The following CCDC73 variants were observed in gnomAD, a reference collection of about 807,000 sequenced individuals.
CCDC73 encodes the protein coiled-coil domain containing 73.
CCDC73 carries 95 observed loss-of-function variants against 116.5 expected under a neutral mutation model. The ratio of observed to expected loss-of-function variants is 0.82; its 90% CI spans 0.69 to 0.97. The LOEUF (loss-of-function observed/expected upper bound fraction) is 0.97. Ranked by LOEUF, CCDC73 falls within the 50% of genes least tolerant of loss-of-function variation. CCDC73 has a pLI of 0.00. For missense variants in CCDC73, 1,066 were observed against 1,206.8 expected (o/e 0.88, Z 1.73); for synonymous variants, 398 against 401.3 (o/e 0.99, Z 0.10).
At chr11:32,742,268 C>T (rs1475532116) in intron 2 of CCDC73, among the ~76,000 whole-genome samples, 1 of 152,148 alleles carries the variant, frequency 6.6e-6, no homozygotes, top group Non-Finnish European at 1.5e-5. Context: ...AATTTATACT[C>T]CCACCAACGT....
chr11:32,610,112 C>T lies in CCDC73; in HGVS notation c.3030+1020G>A, dbSNP rs184487501. 5.9e-5 allele frequency among the ~76,000 whole-genome samples: 9 copies of T among 152,108 alleles called. No homozygotes were observed. In the East Asian group the frequency reaches 9.6e-4, roughly 16 times the overall value. ...CCGGCAAAAGGCAGTTCTTACATGG[C>T]GGCAGCAAGAGAGAAGAGAGCTTGT... On this transcript the variant is annotated intron_variant, in intron 17 of 17. Coordinates refer to ENST00000335185, the MANE Select transcript of CCDC73 (RefSeq NM_001008391.4).
In CCDC73 at chr11:32,700,817, T is replaced by C. The variant is rs552636160; in HGVS notation, c.289A>G (p.Lys97Glu). 4.8e-6 allele frequency: 7 copies of C among 1,447,576 alleles called. No homozygotes were observed. The South Asian group carries it at 8.1e-5, about 17-fold the overall frequency. 89.7% of individuals were successfully genotyped at this position (1,447,576 alleles called of 1,614,324 possible). A position where few individuals can be genotyped will look rare whatever the true frequency, so the allele number is the denominator to read the frequency against. The change falls in exon 5 of 18, where the codon AAG becomes GAG. Residue 97 changes from lysine to glutamate, a missense_variant. By Grantham distance (56) the Lys-to-Glu change is moderately conservative. Coordinates refer to ENST00000335185, the MANE Select transcript of CCDC73 (RefSeq NM_001008391.4). ...MAVFKKQLQM[K>E]MCALEEEKGK... is the part of the protein sequence containing the mutation. Reference sequence around the variant, plus strand: ...TTTTCTTCTTCCAGGGCACACATCTTCATCTGCAACTGATAAACAATTTTA... The same window carrying C: ...TTTTCTTCTTCCAGGGCACACATCTCCATCTGCAACTGATAAACAATTTTA...
intron 2 of CCDC73, among the ~76,000 whole-genome samples, chr11:32,719,116 G>C (rs1849969448): frequency 6.6e-6 from 1 of 152,158 alleles, no homozygotes; most frequent in African/African-American, 2.4e-5. Context: ...AAAGACAAGT[G>C]GGAAGGCCCA....
chr11:32,695,241 C>A (rs572115560), intron 6 of CCDC73, among the ~76,000 whole-genome samples: 24 of 151,880 alleles, frequency 1.6e-4, no homozygotes, highest in Non-Finnish European at 3.1e-4. Flanking sequence ...TGGTGGCATG[C>A]GCCTGTAATC....
intron 6 of CCDC73, 111 bp from the exon 7 acceptor site, chr11:32,683,685 A>C: frequency 1.6e-6 from 1 of 636,192 alleles, no homozygotes; most frequent in Non-Finnish European, 2.8e-6. Context: ...TCTATGTACC[A>C]TTATTGATTT....
chr11:32,815,599 A>C, the CCDC73 span, among the ~76,000 whole-genome samples: 1 of 152,178 alleles, frequency 6.6e-6, no homozygotes, highest in Non-Finnish European at 1.5e-5. Flanking sequence ...AGAAAGAAAA[A>C]GGTTTGTTAC....
the CCDC73 span, among the ~76,000 whole-genome samples, chr11:32,800,612 C>G: frequency 6.6e-6 from 1 of 152,124 alleles, no homozygotes; most frequent in Admixed American, 6.6e-5. Flanking sequence ...AACACCTCTT[C>G]TGGACCCCTT....
intron 9 of CCDC73, among the ~76,000 whole-genome samples, chr11:32,664,798 G>T (rs1369705272): frequency 6.6e-6 from 1 of 152,080 alleles, no homozygotes; most frequent in Non-Finnish European, 1.5e-5. Context: ...GGCATTTACT[G>T]CTATAAATTT....
At chr11:32,761,525 C>T (rs1210183139) in intron 1 of CCDC73, among the ~76,000 whole-genome samples, 1 of 152,064 alleles carries the variant, frequency 6.6e-6, no homozygotes, top group Non-Finnish European at 1.5e-5. Flanking sequence ...CATTATTTTC[C>T]AGAGTGGCTG....
chr11:32,660,229 CAAAAA>C (rs11310092), intron 9 of CCDC73, among the ~76,000 whole-genome samples: 2 of 66,512 alleles, frequency 3.0e-5, no homozygotes, highest in Admixed American at 4.2e-4. Context: ...TTCTCTCTAC[CAAAAA>C]AAAAAAAAAA....
At chr11:32,648,982 T>G (rs1224594664) in intron 12 of CCDC73, among the ~76,000 whole-genome samples, 2 of 152,220 alleles carry the variant, frequency 1.3e-5, no homozygotes, top group East Asian at 1.9e-4. Flanking sequence ...AGCAATTTTG[T>G]TAGATCAGCT....
At chr11:32,740,237 CT>C (rs1565089945) in intron 2 of CCDC73, among the ~76,000 whole-genome samples, 1 of 151,692 alleles carries the variant, frequency 6.6e-6, no homozygotes, top group African/African-American at 2.4e-5. Flanking sequence ...TCTGCCTCTA[CT>C]TTTTTTTGGA....
At chr11:32,633,965 G>C (rs1466097464) in intron 14 of CCDC73, among the ~76,000 whole-genome samples, 1 of 152,146 alleles carries the variant, frequency 6.6e-6, no homozygotes, top group African/African-American at 2.4e-5. Context: ...TCACAGGGGT[G>C]CTATGTTAAC....
chr11:32,715,052 C>T (rs1849932606), intron 3 of CCDC73, among the ~76,000 whole-genome samples: 1 of 152,110 alleles, frequency 6.6e-6, no homozygotes, highest in Non-Finnish European at 1.5e-5. Context: ...TTGCTAACAC[C>T]CTACCTAGAT....
At chr11:32,792,006 AC>A (rs1850681200) in intron 1 of CCDC73, among the ~76,000 whole-genome samples, 1 of 151,466 alleles carries the variant, frequency 6.6e-6, no homozygotes, top group Non-Finnish European at 1.5e-5. Context: ...ACACACACAC[AC>A]ACACACACAC....
chr11:32,646,321 C>T (rs1196584732), intron 12 of CCDC73, among the ~76,000 whole-genome samples: 1 of 152,156 alleles, frequency 6.6e-6, no homozygotes, highest in Non-Finnish European at 1.5e-5. Flanking sequence ...TCTCCTGTTT[C>T]CCAGATCCCA....
intron 1 of CCDC73, among the ~76,000 whole-genome samples, chr11:32,775,381 T>G (rs1850525199): frequency 6.6e-6 from 1 of 152,208 alleles, no homozygotes; most frequent in Non-Finnish European, 1.5e-5. Context: ...AAATGTTACT[T>G]CTTCAGTAAG....
intron 10 of CCDC73, 26 bp downstream of exon 10, chr11:32,654,818 A>T: frequency 7.2e-7 from 1 of 1,386,934 alleles, no homozygotes; most frequent in East Asian, 2.5e-5. Context: ...TATTAATGTT[A>T]TAAACAAATA....
intron 14 of CCDC73, among the ~76,000 whole-genome samples, chr11:32,631,605 A>AGGAAG (rs1260792209): frequency 2.2e-4 from 28 of 126,342 alleles, no homozygotes; most frequent in African/African-American, 4.2e-4. Flanking sequence ...AAGGAAGGAA[A>AGGAAG]GGAAGGGAAG....
Sources: gnomAD v4.1 joint callset for allele counts (sites outside exome capture counted in the v4.1 genomes callset) on GRCh38, gnomAD v4.1.1 for gene constraint, MANE v1.5 for transcripts, NCBI Gene and HGNC (gene_info 2026-07-23, HGNC 2026-07-21) for gene names.